ZNF148: variants seen among roughly 807,000 people sequenced by gnomAD.
ZNF148 encodes the protein zinc finger protein 148.
In ZNF148, 7 loss-of-function variants were observed where a neutral mutation model predicts 67.7. The ratio of observed to expected loss-of-function variants is 0.10; its 90% CI spans 0.06 to 0.19. The LOEUF is 0.19. Among genes scored for constraint, ZNF148 ranks in the 10% least tolerant of loss-of-function variants. The probability of loss-of-function intolerance (pLI) is 1.00; values close to 1 mark genes in which losing one functional copy is unlikely to be tolerated. For synonymous variants in ZNF148, 333 were observed against 330.7 expected (o/e 1.01, Z -0.08); for missense variants, 583 against 947.1 (o/e 0.62, Z 5.05).
intron 4 of ZNF148, among the ~76,000 whole-genome samples, chr3:125,312,927 A>G (rs868069653): frequency 3.0e-4 from 45 of 152,300 alleles, no homozygotes; most frequent in Middle Eastern, 3.4e-3. Context: ...AAAATTTAAG[A>G]AGGCAAGAAT....
At chr3:125,269,509 T>C (rs548345829) in intron 7 of ZNF148, among the ~76,000 whole-genome samples, 34 of 150,896 alleles carry the variant, frequency 2.3e-4, no homozygotes, top group Non-Finnish European at 4.3e-4. Flanking sequence ...ACATTATTGG[T>C]AGACGTGAAT....
chr3:125,275,094 G>T (rs533784487), intron 7 of ZNF148, among the ~76,000 whole-genome samples: 3 of 152,166 alleles, frequency 2.0e-5, no homozygotes, highest in African/African-American at 7.2e-5. Flanking sequence ...ACATTTTACT[G>T]TCTTTAAAAA....
chr3:125,335,708 G>C (rs1941461792), intron 1 of ZNF148, among the ~76,000 whole-genome samples: 1 of 152,182 alleles, frequency 6.6e-6, no homozygotes, highest in Admixed American at 6.5e-5. Context: ...TGTTGCAACA[G>C]ATAGGAAGAG....
At chr3:125,273,859 T>A (rs376207186) in intron 7 of ZNF148, among the ~76,000 whole-genome samples, 14 of 152,290 alleles carry the variant, frequency 9.2e-5, no homozygotes, top group Admixed American at 7.8e-4. Flanking sequence ...AAATAAATTA[T>A]GAAAACTGGC....
chr3:125,285,793 C>T (rs373214347), intron 5 of ZNF148, among the ~76,000 whole-genome samples: 14 of 152,204 alleles, frequency 9.2e-5, no homozygotes, highest in South Asian at 2.1e-4. Context: ...TTCTCTTATA[C>T]GCACTATACT....
At chr3:125,345,216 A>T (rs1006910245) in intron 1 of ZNF148, among the ~76,000 whole-genome samples, 3 of 152,230 alleles carry the variant, frequency 2.0e-5, no homozygotes, top group African/African-American at 7.2e-5. Context: ...TCTAACCAGT[A>T]ACTAGAAATC....
intron 2 of ZNF148, among the ~76,000 whole-genome samples, chr3:125,324,285 C>G (rs1369826548): frequency 6.6e-6 from 1 of 152,022 alleles, no homozygotes; most frequent in Non-Finnish European, 1.5e-5. Context: ...GCCTTACAAA[C>G]AAACAGAACT....
intron 4 of ZNF148, among the ~76,000 whole-genome samples, chr3:125,296,325 G>A (rs1939283619): frequency 6.6e-6 from 1 of 152,250 alleles, no homozygotes; most frequent in African/African-American, 2.4e-5. Context: ...GGTTGGCCAT[G>A]TTGGCCAAGC....
chr3:125,357,812 A>G (rs542832978), intron 1 of ZNF148: 68 of 152,398 alleles, frequency 4.5e-4, no homozygotes, highest in African/African-American at 1.6e-3. Flanking sequence ...AACGCTGCAG[A>G]ACACAGCTTT....
At chr3:125,371,793 G>A (rs191889008) in intron 1 of ZNF148, among the ~76,000 whole-genome samples, 19 of 151,444 alleles carry the variant, frequency 1.3e-4, no homozygotes, top group East Asian at 2.0e-4. Flanking sequence ...GGCCGGGCGC[G>A]GAGACTCATG....
In ZNF148 at chr3:125,226,654, T is replaced by C. The variant is rs1287948886; in HGVS notation, c.*5687A>G. The C allele has an allele frequency of 1.3e-5, 2 of 152,614 alleles. No homozygotes were observed. Among genetic ancestry groups the C allele is most frequent in the South Asian group, 4.1e-4 (2 of 4,832 alleles). The allele number at this position is 152,614 out of a possible 1,614,324, so 9.5% of individuals were successfully genotyped here. A position where few individuals can be genotyped will look rare whatever the true frequency, so the allele number is the denominator to read the frequency against. On this transcript the variant is annotated 3_prime_UTR_variant, in exon 9 of 9. Transcript: ENST00000360647. ...CAAGCTGTCACTGTATTATAAAGGC[T>C]CAGCAATTCATTCATGGCATAATAT...
Position 125,305,591 on chromosome 3 carries a change from C to T in ZNF148, c.333+7717G>A, listed in dbSNP as rs116106414. Among the ~76,000 whole-genome samples, 844 of 152,074 alleles carry T rather than the reference C, an allele frequency of 5.5e-3. 7 individuals carry two copies. Among genetic ancestry groups the T allele is most frequent in the African/African-American group, 0.019 (795 of 41,470 alleles). On this transcript the variant is annotated intron_variant, in intron 4 of 8. Transcript: ENST00000360647. ...CTTTGGGAGGTGAAAGCAGGAGGATCGCTCGAACCCAGGAGTGTGAGACTA... is the reference window on the plus strand; with the variant it reads ...CTTTGGGAGGTGAAAGCAGGAGGATTGCTCGAACCCAGGAGTGTGAGACTA...
intron 6 of ZNF148, 62 bp downstream of exon 6, chr3:125,279,062 A>G (rs1385468714): frequency 6.7e-7 from 1 of 1,481,956 alleles, no homozygotes; most frequent in Non-Finnish European, 9.1e-7. Flanking sequence ...AGTTACACGA[A>G]GATGAAAATA....
chr3:125,269,110 G>GT (rs1440178193), intron 7 of ZNF148, among the ~76,000 whole-genome samples: 4 of 145,772 alleles, frequency 2.7e-5, no homozygotes, highest in African/African-American at 1.0e-4. Flanking sequence ...GCTTATTCCT[G>GT]TAATCCCAGT....
intron 7 of ZNF148, among the ~76,000 whole-genome samples, chr3:125,256,976 T>G (rs1304725300): frequency 1.5e-4 from 22 of 151,268 alleles, no homozygotes; most frequent in Middle Eastern, 3.4e-3. Context: ...AGTTTTTTTT[T>G]TTTTTTTTTT....
chr3:125,332,466 T>A (rs973739853), intron 1 of ZNF148, among the ~76,000 whole-genome samples: 19 of 152,190 alleles, frequency 1.2e-4, no homozygotes, highest in Admixed American at 1.3e-4. Flanking sequence ...TAAATTATGT[T>A]AAATTAAATT....
At position 125,233,052 on chromosome 3, in the gene ZNF148, T is replaced by C; in HGVS notation, c.1674A>G (p.Ile558Met). The C allele has an allele frequency of 6.2e-7, 1 of 1,613,516 alleles. No homozygotes were observed. The change falls in exon 9 of 9, where the codon ATA becomes ATG. Residue 558 changes from isoleucine to methionine, a missense_variant. Transcript: ENST00000360647. The surrounding 1 kb of genome is among the most constrained non-coding windows in gnomAD (Gnocchi z 5.1). ...YSHKANGQHE[I>M]SFSVADTEVT... ...CTTCAGTATCTGCAACACTGAAGGA[T>C]ATCTCATGCTGTCCATTAGCTTTGT...
At chr3:125,330,245 G>T (rs949460712) in intron 2 of ZNF148, among the ~76,000 whole-genome samples, 14 of 151,812 alleles carry the variant, frequency 9.2e-5, no homozygotes, top group African/African-American at 3.4e-4. Context: ...CGGATGGATT[G>T]CTTGAGCTCA....
chr3:125,352,701 T>A (rs530402196), intron 1 of ZNF148, among the ~76,000 whole-genome samples: 2 of 149,984 alleles, frequency 1.3e-5, no homozygotes, highest in Admixed American at 6.6e-5. Flanking sequence ...AATTCAACTA[T>A]AGGTTTATTC....
Sources: gnomAD v4.1 joint callset for allele counts (sites outside exome capture counted in the v4.1 genomes callset) on GRCh38, gnomAD v4.1.1 for gene constraint, Gnocchi (gnomAD v3.1) non-coding constraint, MANE v1.5 for transcripts, NCBI Gene and HGNC (gene_info 2026-07-23, HGNC 2026-07-21) for gene names.